PAPPA2: variants seen among roughly 807,000 people sequenced by gnomAD.
The protein encoded by PAPPA2 is pappalysin 2.
PAPPA2 carries 86 observed loss-of-function variants against 176.4 expected under a neutral mutation model. That is an observed-to-expected ratio of 0.49 (90% CI 0.41 to 0.58). PAPPA2 has a LOEUF of 0.58. Among genes scored for constraint, PAPPA2 ranks in the 20% least tolerant of loss-of-function variants. The pLI, the probability that PAPPA2 is intolerant of heterozygous loss-of-function variation, is 0.00. For missense variants in PAPPA2, 2,073 were observed against 2,256.9 expected, an observed-to-expected ratio of 0.92 and a Z score of 1.65; for synonymous variants, 809 against 852.2, an observed-to-expected ratio of 0.95 and a Z score of 0.88.
intron 12 of PAPPA2, among the ~76,000 whole-genome samples, chr1:176,732,486 A>G (rs1345289535): frequency 1.3e-5 from 2 of 152,204 alleles, no homozygotes; most frequent in Non-Finnish European, 2.9e-5. Flanking sequence ...CTTGATGGTG[A>G]GTTCATAAAA....
rs184442552 is a variant in PAPPA2, at chr1:176,504,373, A to G, written c.-917+40955A>G. Reference sequence around the variant, plus strand: ...CTTTTAGAATATTTCTATGCTATACATGCAGATATATAAATATATTCTGTT... The same window carrying G: ...CTTTTAGAATATTTCTATGCTATACGTGCAGATATATAAATATATTCTGTT... On this transcript the variant is annotated intron_variant, in intron 1 of 22. Transcript: ENST00000367662. 5.7e-3 allele frequency among the ~76,000 whole-genome samples: 865 copies of G among 152,270 alleles called. 13 individuals carry two copies. Among genetic ancestry groups the G allele is most frequent in the African/African-American group, 0.02 (843 of 41,576 alleles).
rs114782099 is a variant in PAPPA2, at chr1:176,741,404, G to A, written c.4151+1208G>A. 5.4e-3 allele frequency among the ~76,000 whole-genome samples: 822 copies of A among 152,258 alleles called. 6 individuals are homozygous for A. Among genetic ancestry groups the A allele is most frequent in the African/African-American group, 0.019 (787 of 41,560 alleles). On this transcript the variant is annotated intron_variant, in intron 14 of 22. Coordinates refer to ENST00000367662, the MANE Select transcript of PAPPA2 (RefSeq NM_020318.3). Reference sequence around the variant, plus strand: ...AATTCCTTGCCAAGCAGGCCTCTCCGCAGCTATCTGAGTGTCTTTGTGACA... The same window carrying A: ...AATTCCTTGCCAAGCAGGCCTCTCCACAGCTATCTGAGTGTCTTTGTGACA...
chr1:176,565,346 A>G (rs989332362), intron 2 of PAPPA2, among the ~76,000 whole-genome samples: 4 of 152,256 alleles, frequency 2.6e-5, no homozygotes, highest in African/African-American at 9.6e-5. Context: ...TGGCTGCACA[A>G]TTTAGTAATC....
chr1:176,666,407 A>C (rs915571189), intron 3 of PAPPA2, among the ~76,000 whole-genome samples: 1 of 152,148 alleles, frequency 6.6e-6, no homozygotes, highest in African/African-American at 2.4e-5. Flanking sequence ...ACATGGAAAA[A>C]AAGTGAATGG....
At chr1:176,679,226 GT>G (rs1659460214) in intron 4 of PAPPA2, among the ~76,000 whole-genome samples, 1 of 152,046 alleles carries the variant, frequency 6.6e-6, no homozygotes, top group African/African-American at 2.4e-5. Context: ...CATTCAAGAC[GT>G]TCTCTATGGT....
At chr1:176,788,986 A>G (rs1267164173) in intron 17 of PAPPA2, among the ~76,000 whole-genome samples, 1 of 152,048 alleles carries the variant, frequency 6.6e-6, no homozygotes, top group Admixed American at 6.5e-5. Flanking sequence ...TCCTCAAATC[A>G]CTTCTGATCA....
At chr1:176,631,040 T>C (rs1656307789) in intron 3 of PAPPA2, among the ~76,000 whole-genome samples, 1 of 152,020 alleles carries the variant, frequency 6.6e-6, no homozygotes, top group African/African-American at 2.4e-5. Flanking sequence ...GACAGTTAAA[T>C]GAGGAGACGT....
At chr1:176,665,358 G>A (rs1357546541) in intron 3 of PAPPA2, among the ~76,000 whole-genome samples, 1 of 152,002 alleles carries the variant, frequency 6.6e-6, no homozygotes, top group East Asian at 1.9e-4. Context: ...TCTTGTCTGT[G>A]GACACTCAGC....
At chr1:176,538,394 G>C (rs1650188372) in intron 1 of PAPPA2, among the ~76,000 whole-genome samples, 2 of 152,178 alleles carry the variant, frequency 1.3e-5, no homozygotes, top group Admixed American at 6.5e-5. Context: ...TGAAGATGTG[G>C]GGAGGTGAAG....
rs934574976 is a variant in PAPPA2, at chr1:176,471,560, G to A, written c.-917+8142G>A. 7.9e-5 allele frequency among the ~76,000 whole-genome samples: 12 copies of A among 152,270 alleles called. No homozygotes were observed. In the South Asian group the frequency reaches 8.3e-4, roughly 11 times the overall value. On this transcript the variant is annotated intron_variant, in intron 1 of 22. Coordinates refer to ENST00000367662, the MANE Select transcript of PAPPA2 (RefSeq NM_020318.3). ...CAGAACTTGGTCAGCAGAATCAGAA[G>A]CCCTCCATGTATTTTGTCCCAGTTG...
At chr1:176,525,771 C>G (rs534451605) in intron 1 of PAPPA2, among the ~76,000 whole-genome samples, 2 of 152,320 alleles carry the variant, frequency 1.3e-5, no homozygotes, top group South Asian at 4.1e-4. Flanking sequence ...AGAGGGAAGT[C>G]TGGGTCCCTC....
chr1:176,562,611 A>C (rs1651740635), intron 2 of PAPPA2, among the ~76,000 whole-genome samples: 1 of 152,170 alleles, frequency 6.6e-6, no homozygotes, highest in African/African-American at 2.4e-5. Flanking sequence ...CCTGGTTAGG[A>C]TCCACATGTG....
chr1:176,720,150 A>G (rs1326406272), intron 12 of PAPPA2, among the ~76,000 whole-genome samples: 1 of 152,192 alleles, frequency 6.6e-6, no homozygotes, highest in Admixed American at 6.5e-5. Flanking sequence ...GGAACTGTGT[A>G]AACTGGAAAC....
At chr1:176,627,914 T>C (rs1376262514) in intron 3 of PAPPA2, among the ~76,000 whole-genome samples, 3 of 152,128 alleles carry the variant, frequency 2.0e-5, no homozygotes, top group Non-Finnish European at 1.5e-5. Context: ...AGGTAATCAG[T>C]TGAGGATTAC....
chr1:176,674,029 A>G (rs950918182), intron 4 of PAPPA2, among the ~76,000 whole-genome samples: 1 of 152,102 alleles, frequency 6.6e-6, no homozygotes. Flanking sequence ...CTTTTAAGAT[A>G]TTTGTTATTT....
intron 7 of PAPPA2, among the ~76,000 whole-genome samples, chr1:176,696,360 G>A (rs550145011): frequency 6.6e-6 from 1 of 151,080 alleles, no homozygotes; most frequent in African/African-American, 2.4e-5. Context: ...AGCAAGTCTG[G>A]GTGGGGGTGG....
chr1:176,527,255 G>A (rs886200167), intron 1 of PAPPA2, among the ~76,000 whole-genome samples: 1 of 152,238 alleles, frequency 6.6e-6, no homozygotes, highest in Non-Finnish European at 1.5e-5. Flanking sequence ...CAGCCATATT[G>A]TGCAGAGTCC....
At chr1:176,624,189 C>T (rs1209378354) in intron 3 of PAPPA2, among the ~76,000 whole-genome samples, 1 of 152,150 alleles carries the variant, frequency 6.6e-6, no homozygotes, top group East Asian at 1.9e-4. Context: ...ATACATTCAA[C>T]AATATTTCAC....
intron 21 of PAPPA2, among the ~76,000 whole-genome samples, chr1:176,812,209 T>C (rs1463251288): frequency 1.0e-5 from 1 of 99,632 alleles, no homozygotes; most frequent in Non-Finnish European, 2.4e-5. Flanking sequence ...GGCTTTTTTG[T>C]TCTTTTTTTT....
Sources: gnomAD v4.1 joint callset for allele counts (sites outside exome capture counted in the v4.1 genomes callset) on GRCh38, gnomAD v4.1.1 for gene constraint, MANE v1.5 for transcripts, NCBI Gene and HGNC (gene_info 2026-07-23, HGNC 2026-07-21) for gene names.